The following JAK1 variants were observed in gnomAD, a reference collection of about 807,000 sequenced individuals.
JAK1 encodes the protein Janus kinase 1.
Under a neutral mutation model 136.6 loss-of-function variants are expected in JAK1, and 16 were observed. The ratio of observed to expected loss-of-function variants is 0.12; its 90% CI spans 0.08 to 0.18. The LOEUF is 0.18. Ranked by LOEUF, JAK1 falls within the 10% of genes least tolerant of loss-of-function variation. The pLI is 1.00. For missense variants in JAK1, 859 were observed against 1,450.1 expected (o/e 0.59, Z 6.62); for synonymous variants, 492 against 519.5 (o/e 0.95, Z 0.72).
At chr1:65,030,377 A>C (rs1423562140) in intron 2 of JAK1, among the ~76,000 whole-genome samples, 2 of 152,236 alleles carry the variant, frequency 1.3e-5, no homozygotes, top group Admixed American at 1.3e-4. Context: ...GTTGTATCAG[A>C]AACCATCCCT....
intron 2 of JAK1, among the ~76,000 whole-genome samples, chr1:65,021,856 A>C (rs932206013): frequency 1.3e-5 from 2 of 152,178 alleles, no homozygotes; most frequent in African/African-American, 4.8e-5. Flanking sequence ...ATATTTGCCT[A>C]AGAGTGCATA....
intron 1 of JAK1, among the ~76,000 whole-genome samples, chr1:64,944,506 C>A (rs1450334681): frequency 6.6e-6 from 1 of 152,002 alleles, no homozygotes; most frequent in Admixed American, 6.5e-5. Context: ...TAATAACATA[C>A]AAGATTTAGC....
upstream of JAK1, among the ~76,000 whole-genome samples, chr1:64,970,249 G>A (rs1646439255): frequency 6.6e-6 from 1 of 150,864 alleles, no homozygotes; most frequent in East Asian, 1.9e-4. Context: ...AAACCAGCCT[G>A]GCCAACATGG....
chr1:65,008,183 C>G (rs1057037658), intron 2 of JAK1, among the ~76,000 whole-genome samples: 70 of 152,212 alleles, frequency 4.6e-4, no homozygotes, highest in African/African-American at 1.7e-3. Context: ...GACAGACCAC[C>G]CAATGATCAC....
chr1:64,844,718 C>G lies in JAK1; in HGVS notation c.2251+36G>C, dbSNP rs778021656. 1.2e-6 allele frequency: 2 copies of G among 1,613,266 alleles called. No homozygotes were observed. The highest frequency in any genetic ancestry group is 1.7e-6 in the Non-Finnish European group (2 of 1,179,658). ...TCTCTCTGCTGACTTGCCCCTGACT[C>G]GGGGTGGGGCCAGAGGGAAGAGAGG... On this transcript the variant is annotated intron_variant, in intron 16 of 24. Coordinates refer to ENST00000342505, the MANE Select transcript of JAK1 (RefSeq NM_002227.4). This position sits in a 1 kb window ranked among gnomAD's most constrained non-coding sequence, Gnocchi z 5.7.
chr1:65,000,036 G>GCTC (rs1646739900), intron 2 of JAK1, among the ~76,000 whole-genome samples: 1 of 151,078 alleles, frequency 6.6e-6, no homozygotes, highest in South Asian at 2.1e-4. Context: ...CTGTCAACAG[G>GCTC]CTGGAGTGCA....
chr1:65,057,135 G>A lies in JAK1; in HGVS notation c.-181+10469C>T, dbSNP rs61032917. ...GAGCCTAGGATGAGGTAATATACCCGATTAGGCTCTGAGCCTAAAACACGT... is the reference window on the plus strand; with the variant it reads ...GAGCCTAGGATGAGGTAATATACCCAATTAGGCTCTGAGCCTAAAACACGT... On this transcript the variant is annotated intron_variant, in intron 1 of 25. Coordinates refer to the JAK1 transcript ENST00000671954. Among the ~76,000 whole-genome samples, 5 of 152,058 alleles carry A rather than the reference G, an allele frequency of 3.3e-5. 1 individual carries two copies. Among genetic ancestry groups the A allele is most frequent in the African/African-American group, 4.8e-5 (2 of 41,392 alleles).
chr1:64,879,851 A>G (rs1188957770), intron 3 of JAK1, among the ~76,000 whole-genome samples: 1 of 152,208 alleles, frequency 6.6e-6, no homozygotes, highest in Non-Finnish European at 1.5e-5. Flanking sequence ...GCCTCCGTCA[A>G]TAAGAGAATG....
intron 1 of JAK1, among the ~76,000 whole-genome samples, chr1:64,948,031 G>T (rs998411373): frequency 6.6e-6 from 1 of 152,086 alleles, no homozygotes; most frequent in African/African-American, 2.4e-5. Context: ...GAGGTTTTGG[G>T]TGAAACATTT....
In JAK1 at chr1:65,040,852, C is replaced by G. The variant is rs903220100; in HGVS notation, c.-78+3628G>C. 2.6e-5 allele frequency among the ~76,000 whole-genome samples: 4 copies of G among 152,206 alleles called. No homozygotes were observed. The South Asian group carries it at 8.3e-4, about 32-fold the overall frequency. The stretch of plus-strand genomic sequence containing the variant: ...GGACCTCACATTTCAGAGGAGCTGA[C>G]AGAAAAATCATGAAACACAAGAAAA... On this transcript the variant is annotated intron_variant, in intron 2 of 25. Transcript: ENST00000671954.
At chr1:64,960,120 G>A (rs903343630) in intron 1 of JAK1, among the ~76,000 whole-genome samples, 2 of 152,100 alleles carry the variant, frequency 1.3e-5, no homozygotes, top group Non-Finnish European at 1.5e-5. Flanking sequence ...CCTGCTACTC[G>A]GAAGGCTGAG....
At chr1:65,058,691 G>A (rs781363191) in intron 1 of JAK1, among the ~76,000 whole-genome samples, 3 of 152,102 alleles carry the variant, frequency 2.0e-5, no homozygotes, top group Non-Finnish European at 2.9e-5. Context: ...AGGCCCAGTT[G>A]AATTAAATTA....
At chr1:65,035,925 G>A (rs897649172) in intron 2 of JAK1, among the ~76,000 whole-genome samples, 24 of 151,978 alleles carry the variant, frequency 1.6e-4, no homozygotes, top group African/African-American at 4.8e-4. Context: ...AAAATTATCC[G>A]GGTGTGGTAG....
intron 14 of JAK1, 72 bp from the exon 15 acceptor site, chr1:64,845,712 A>T (rs894705362): frequency 2.0e-5 from 31 of 1,565,944 alleles, no homozygotes; most frequent in Admixed American, 1.2e-4. Context: ...CCCTTACGAC[A>T]GTCCACTTCA....
intron 1 of JAK1, among the ~76,000 whole-genome samples, chr1:65,050,040 G>A (rs965887810): frequency 4.6e-5 from 7 of 152,170 alleles, no homozygotes; most frequent in African/African-American, 9.7e-5. Flanking sequence ...GGAAAATGCC[G>A]CAGAGATGCA....
chr1:65,052,055 A>G (rs1229835864), intron 1 of JAK1, among the ~76,000 whole-genome samples: 1 of 151,010 alleles, frequency 6.6e-6, no homozygotes, highest in East Asian at 1.9e-4. Flanking sequence ...TCCTGGGCTC[A>G]CGCAATCCTG....
intron 1 of JAK1, among the ~76,000 whole-genome samples, chr1:64,942,688 T>C (rs1047294232): frequency 2.2e-5 from 3 of 138,574 alleles, no homozygotes; most frequent in Admixed American, 8.8e-5. Context: ...AAGCCAAACA[T>C]CAGCAAATGC....
chr1:64,965,142 C>A (rs542688941), intron 1 of JAK1, among the ~76,000 whole-genome samples: 1 of 152,172 alleles, frequency 6.6e-6, no homozygotes, highest in African/African-American at 2.4e-5. Flanking sequence ...AAACCAAACA[C>A]GCCCTGATTT....
intron 2 of JAK1, among the ~76,000 whole-genome samples, chr1:65,002,645 C>T (rs967554701): frequency 6.6e-6 from 1 of 152,230 alleles, no homozygotes; most frequent in African/African-American, 2.4e-5. Context: ...CGCAGGCTTC[C>T]GCGGAGCCAG....
Sources: allele counts gnomAD v4.1 joint callset (sites outside exome capture counted in the v4.1 genomes callset), GRCh38; gene constraint gnomAD v4.1.1; non-coding constraint Gnocchi (gnomAD v3.1); transcripts MANE v1.5; gene names NCBI Gene and HGNC (gene_info 2026-07-23, HGNC 2026-07-21).